Variants in CCSER1 observed in about 807,000 individuals in gnomAD.
CCSER1 encodes the protein coiled-coil serine rich protein 1, also known as serine-rich coiled-coil domain-containing protein 1.
A neutral mutation model predicts 82.0 loss-of-function variants in CCSER1; 41 were observed. That is an observed-to-expected ratio of 0.50 (90% CI 0.39 to 0.65). The LOEUF (loss-of-function observed/expected upper bound fraction) is 0.65. CCSER1 is among the 30% of genes least tolerant of loss of function. The pLI is 0.00. For missense variants in CCSER1, 1,119 were observed against 1,064.2 expected (o/e 1.05, Z -0.72); for synonymous variants, 414 against 383.9 (o/e 1.08, Z -0.92).
At chr4:90,916,883 C>T (rs973127484) in intron 8 of CCSER1, among the ~76,000 whole-genome samples, 12 of 146,202 alleles carry the variant, frequency 8.2e-5, no homozygotes, top group African/African-American at 2.1e-4. Flanking sequence ...CAAAAGAAGA[C>T]GTCTATACAG....
chr4:90,872,705 G>A (rs13128767), intron 8 of CCSER1, among the ~76,000 whole-genome samples: 63,402 of 151,124 alleles, frequency 0.42, 14,007 homozygotes, highest in African/African-American at 0.56. Context: ...TACTATTACC[G>A]GTGAACTTTG....
chr4:90,363,557 A>C (rs769707084), intron 3 of CCSER1, among the ~76,000 whole-genome samples: 7 of 152,050 alleles, frequency 4.6e-5, no homozygotes, highest in Non-Finnish European at 7.4e-5. Flanking sequence ...ATCCAAATGC[A>C]ACTTGGCTGC....
chr4:90,384,366 C>T (rs966703573), intron 3 of CCSER1, among the ~76,000 whole-genome samples: 1 of 144,160 alleles, frequency 6.9e-6, no homozygotes, highest in Non-Finnish European at 1.5e-5. Context: ...GGACAAAAAA[C>T]AAATCACCAC....
At chr4:91,376,191 G>T (rs1393575468) in intron 10 of CCSER1, among the ~76,000 whole-genome samples, 2 of 152,190 alleles carry the variant, frequency 1.3e-5, no homozygotes, top group African/African-American at 2.4e-5. Context: ...AGGAAATACA[G>T]TCGTGTGTCC....
chr4:91,090,139 G>T (rs1210715151), intron 10 of CCSER1, among the ~76,000 whole-genome samples: 1 of 152,124 alleles, frequency 6.6e-6, no homozygotes, highest in Non-Finnish European at 1.5e-5. Context: ...TTCTTTCAGG[G>T]GGCCATTCAT....
chr4:90,632,282 T>G lies in CCSER1; in HGVS notation c.1932+4050T>G, dbSNP rs184952937. ...CCCATTAGCTCATTCCAGATTTTTT[T>G]AAAAGTTATTTTGTCATTAACTGTA... On this transcript the variant is annotated intron_variant, in intron 6 of 10. Transcript: ENST00000509176. Among the ~76,000 whole-genome samples the G allele has an allele frequency of 7.3e-3, 1,111 of 152,234 alleles. 16 individuals carry two copies. The highest frequency in any genetic ancestry group is 0.026 in the African/African-American group (1,073 of 41,580).
intron 10 of CCSER1, among the ~76,000 whole-genome samples, chr4:91,341,223 A>G (rs1436613577): frequency 1.3e-5 from 2 of 152,170 alleles, no homozygotes; most frequent in Non-Finnish European, 2.9e-5. Flanking sequence ...TTTTATTTTC[A>G]TAATTTTCTC....
intron 10 of CCSER1, among the ~76,000 whole-genome samples, chr4:91,419,843 A>G (rs1753592495): frequency 6.6e-6 from 1 of 152,086 alleles, no homozygotes; most frequent in Admixed American, 6.5e-5. Context: ...GTACTGGCAT[A>G]AAAACAAACT....
chr4:90,325,801 A>G (rs1362382696), intron 3 of CCSER1: 3 of 249,968 alleles, frequency 1.2e-5, no homozygotes, highest in Non-Finnish European at 2.6e-5. Context: ...AACATCAATA[A>G]ATTAAATAAG....
chr4:90,762,591 A>G (rs1750574861), intron 7 of CCSER1, among the ~76,000 whole-genome samples: 1 of 152,182 alleles, frequency 6.6e-6, no homozygotes, highest in Non-Finnish European at 1.5e-5. Flanking sequence ...TCACTTACAA[A>G]TAAAACTTTG....
chr4:91,546,207 G>A (rs1484975667), intron 10 of CCSER1, among the ~76,000 whole-genome samples: 2 of 152,096 alleles, frequency 1.3e-5, no homozygotes, highest in South Asian at 2.1e-4. Flanking sequence ...TTGCATTGAT[G>A]TTTATGAGAG....
chr4:90,278,254 T>C (rs1728198121), intron 1 of CCSER1, among the ~76,000 whole-genome samples: 1 of 152,132 alleles, frequency 6.6e-6, no homozygotes, highest in Non-Finnish European at 1.5e-5. Flanking sequence ...CCAGCCACTG[T>C]GGAGAGCAAT....
chr4:90,257,894 A>G (rs889687978), intron 1 of CCSER1, among the ~76,000 whole-genome samples: 2 of 152,178 alleles, frequency 1.3e-5, no homozygotes, highest in Non-Finnish European at 2.9e-5. Flanking sequence ...ATATTGGAGA[A>G]GGCAATCCGA....
intron 7 of CCSER1, among the ~76,000 whole-genome samples, chr4:90,794,135 TTC>T (rs1755649814): frequency 6.6e-6 from 1 of 152,232 alleles, no homozygotes; most frequent in Non-Finnish European, 1.5e-5. Flanking sequence ...TGTTGATACT[TTC>T]TTTTACTATG....
chr4:90,346,198 T>G (rs866900618), intron 3 of CCSER1, among the ~76,000 whole-genome samples: 14 of 152,094 alleles, frequency 9.2e-5, no homozygotes, highest in Non-Finnish European at 1.5e-4. Flanking sequence ...CTTTGTAAAT[T>G]TATAGAAATG....
At chr4:90,354,635 C>A (rs995017513) in intron 3 of CCSER1, among the ~76,000 whole-genome samples, 1 of 152,064 alleles carries the variant, frequency 6.6e-6, no homozygotes, top group Non-Finnish European at 1.5e-5. Context: ...TACCCCAATA[C>A]ATCTGAAATA....
chr4:90,759,275 A>G (rs1389722672), intron 7 of CCSER1, among the ~76,000 whole-genome samples: 2 of 152,208 alleles, frequency 1.3e-5, no homozygotes, highest in Admixed American at 6.5e-5. Context: ...TGAAGGCAAG[A>G]ATGACGTTTT....
chr4:90,808,378 AAAAT>A (rs1356730519), intron 7 of CCSER1, among the ~76,000 whole-genome samples: 3 of 152,208 alleles, frequency 2.0e-5, no homozygotes, highest in African/African-American at 7.2e-5. Flanking sequence ...AACAAAAAGG[AAAAT>A]AAATAAATGA....
At chr4:91,516,690 GTTCT>G (rs1218616793) in intron 10 of CCSER1, among the ~76,000 whole-genome samples, 1 of 152,032 alleles carries the variant, frequency 6.6e-6, no homozygotes, top group African/African-American at 2.4e-5. Flanking sequence ...GTTTCTTCGG[GTTCT>G]TTTTCTTCCA....
Sources: allele counts gnomAD v4.1 joint callset (sites outside exome capture counted in the v4.1 genomes callset), GRCh38; gene constraint gnomAD v4.1.1; transcripts MANE v1.5; gene names NCBI Gene and HGNC (gene_info 2026-07-23, HGNC 2026-07-21).